PCDHA5: variants seen among roughly 807,000 people sequenced by gnomAD.
The protein encoded by PCDHA5 is protocadherin alpha 5, also known as protocadherin alpha-5.
A neutral mutation model predicts 61.6 loss-of-function variants in PCDHA5; 43 were observed. That is an observed-to-expected ratio of 0.70 (90% CI 0.55 to 0.90). PCDHA5 has a LOEUF of 0.90. Ranked by LOEUF, PCDHA5 falls within the 40% of genes least tolerant of loss-of-function variation. The probability of loss-of-function intolerance (pLI) is 0.00; values close to 1 mark genes in which losing one functional copy is unlikely to be tolerated. For missense variants in PCDHA5, 1,298 were observed against 1,222.7 expected (o/e 1.06, Z -0.92); for synonymous variants, 627 against 543.9 (o/e 1.15, Z -2.13).
intron 1 of PCDHA5, among the ~76,000 whole-genome samples, chr5:140,900,275 C>T (rs1260418745): frequency 9.2e-5 from 14 of 151,438 alleles, no homozygotes; most frequent in African/African-American, 2.9e-4. Context: ...GTATATGTAC[C>T]ACACTTTCTT....
At chr5:140,880,198 G>C (rs1360437780) in intron 1 of PCDHA5, among the ~76,000 whole-genome samples, 1 of 152,164 alleles carries the variant, frequency 6.6e-6, no homozygotes, top group Non-Finnish European at 1.5e-5. Flanking sequence ...ATAAACAGAA[G>C]AGGTTTTCCA....
At chr5:140,884,247 C>G (rs1554181368) in intron 1 of PCDHA5, 5 of 1,613,398 alleles carry the variant, frequency 3.1e-6, no homozygotes, top group Non-Finnish European at 4.2e-6. Flanking sequence ...CCCGCGCTGA[C>G]GGCCACGGCA....
At chr5:140,883,688 A>G (rs782730096) in intron 1 of PCDHA5, 2 of 1,613,792 alleles carry the variant, frequency 1.2e-6, no homozygotes, top group Middle Eastern at 1.7e-4. Flanking sequence ...GGGCTGCCAC[A>G]TCTTCACGGT....
rs569740487 is a variant in PCDHA5, at chr5:140,970,470, G to A, written c.2353-8479G>A. On this transcript the variant is annotated intron_variant, in intron 1 of 3. Transcript: ENST00000529859. Reference sequence around the variant, plus strand: ...AGTTTTGAGATTTAAGTAGGTATAAGGCCAGCTTGTTCATTATTATGAAGA... The same window carrying A: ...AGTTTTGAGATTTAAGTAGGTATAAAGCCAGCTTGTTCATTATTATGAAGA... Among the ~76,000 whole-genome samples the A allele has an allele frequency of 2.6e-5, 4 of 152,238 alleles. No homozygotes were observed. In the South Asian group the frequency reaches 8.3e-4, roughly 32 times the overall value.
chr5:140,848,233 T>A lies in PCDHA5; in HGVS notation c.2352+24106T>A. 2 of 410,950 alleles carry A rather than the reference T, an allele frequency of 4.9e-6. 1 individual carries two copies. The allele number at this position is 410,950 out of a possible 1,614,324, so 25.5% of individuals were successfully genotyped here. A position where few individuals can be genotyped will look rare whatever the true frequency, so the allele number is the denominator to read the frequency against. Reference sequence around the variant, plus strand: ...TTAAGAAAAAATTAAGAAAATGAAATAAGTTTTGCAGAATAACTGTGAAAT... The same window carrying A: ...TTAAGAAAAAATTAAGAAAATGAAAAAAGTTTTGCAGAATAACTGTGAAAT... On this transcript the variant is annotated intron_variant, in intron 1 of 3. Transcript: ENST00000529859.
In PCDHA5 at chr5:140,829,505, T is replaced by C. The variant is rs1470600823; in HGVS notation, c.2352+5378T>C. 1.4e-5 allele frequency: 22 copies of C among 1,613,588 alleles called. No homozygotes were observed. The highest frequency in any genetic ancestry group is 1.9e-5 in the Non-Finnish European group (22 of 1,179,954). ...CGTGAAGGAGAACAACCCGCCGGGC[T>C]GCCACATCTTCACGGTGTCTGCGCG... On this transcript the variant is annotated intron_variant, in intron 1 of 3. Transcript: ENST00000529859.
At chr5:140,829,851 C>T (rs2150176180) in intron 1 of PCDHA5, 2 of 1,613,942 alleles carry the variant, frequency 1.2e-6, no homozygotes, top group Non-Finnish European at 1.7e-6. Flanking sequence ...TCACTGGGTG[C>T]AGGCCAAGTG....
chr5:140,844,611 T>C (rs1779461835), intron 1 of PCDHA5, among the ~76,000 whole-genome samples: 1 of 149,406 alleles, frequency 6.7e-6, no homozygotes, highest in Non-Finnish European at 1.5e-5. Context: ...CTTAGAAAAA[T>C]GTTTTCATCA....
chr5:140,848,527 G>A (rs1379026024), intron 1 of PCDHA5: 2 of 1,594,382 alleles, frequency 1.3e-6, no homozygotes, highest in Admixed American at 1.7e-5. Context: ...GATCCAGAGG[G>A]TCAGCCTCTA....
chr5:140,883,004 G>A (rs1554176457), intron 1 of PCDHA5: 1 of 1,614,118 alleles, frequency 6.2e-7, no homozygotes, highest in East Asian at 2.2e-5. Flanking sequence ...TTACCAATCC[G>A]TTTATAAAGT....
chr5:140,844,047 C>A (rs2150368498), intron 1 of PCDHA5, among the ~76,000 whole-genome samples: 1 of 149,488 alleles, frequency 6.7e-6, no homozygotes, highest in African/African-American at 2.5e-5. Context: ...TGAAAGTATT[C>A]CCCCAAAGCG....
At chr5:140,978,570 G>A (rs151127662) in intron 1 of PCDHA5, among the ~76,000 whole-genome samples, 216 of 152,314 alleles carry the variant, frequency 1.4e-3, no homozygotes, top group African/African-American at 4.9e-3. Flanking sequence ...CTGTAATACT[G>A]AATTGGGAAT....
intron 1 of PCDHA5, among the ~76,000 whole-genome samples, chr5:140,912,892 A>T (rs1554195590): frequency 2.0e-5 from 3 of 152,210 alleles, no homozygotes. Context: ...TTCTGTTGAT[A>T]TGATGTATCA....
chr5:140,926,972 C>T (rs782504064), intron 1 of PCDHA5: 1 of 1,609,464 alleles, frequency 6.2e-7, no homozygotes. Context: ...TACTCAGTGC[C>T]GGAGGAGACG....
chr5:140,854,582 T>TA (rs757658134), intron 1 of PCDHA5: 9 of 149,824 alleles, frequency 6.0e-5, no homozygotes, highest in Non-Finnish European at 1.0e-4. Context: ...CAGATTTTAA[T>TA]AAAAAAAGTT....
intron 1 of PCDHA5, among the ~76,000 whole-genome samples, chr5:140,872,278 AAAGTT>A (rs2053578296): frequency 6.6e-6 from 1 of 152,138 alleles, no homozygotes; most frequent in Non-Finnish European, 1.5e-5. Context: ...TTTGAAGAAA[AAAGTT>A]AAGCCTTGCA....
At position 140,842,876 on chromosome 5, in the gene PCDHA5, G is replaced by C. The variant is rs78119592; in HGVS notation, c.2352+18749G>C. On this transcript the variant is annotated intron_variant, in intron 1 of 3. Coordinates refer to ENST00000529859, the MANE Select transcript of PCDHA5 (RefSeq NM_018908.3). ...GCACACGGAGAGCGGCAAGGTGTAC[G>C]CGCTGCAGCCGCTGGACCACGAGGA... The C allele has an allele frequency of 5.6e-6, 9 of 1,593,878 alleles. 1 individual carries two copies. Among genetic ancestry groups the C allele is most frequent in the Non-Finnish European group, 7.7e-6 (9 of 1,165,430 alleles).
At chr5:140,840,559 A>G (rs1776766288) in intron 1 of PCDHA5, among the ~76,000 whole-genome samples, 1 of 152,098 alleles carries the variant, frequency 6.6e-6, no homozygotes, top group Non-Finnish European at 1.5e-5. Flanking sequence ...CAATACTGCT[A>G]GAGTTTGGCA....
intron 1 of PCDHA5, chr5:140,851,337 C>T (rs2042031356): frequency 2.0e-6 from 2 of 978,912 alleles, no homozygotes; most frequent in African/African-American, 1.7e-5. Flanking sequence ...TAGTTCTCTA[C>T]ATTTCTCTGG....
Sources: allele counts gnomAD v4.1 joint callset (sites outside exome capture counted in the v4.1 genomes callset), GRCh38; gene constraint gnomAD v4.1.1; transcripts MANE v1.5; gene names NCBI Gene and HGNC (gene_info 2026-07-23, HGNC 2026-07-21).